The following GRIK2 variants were observed in gnomAD, a reference collection of about 807,000 sequenced individuals.
GRIK2 encodes glutamate receptor ionotropic, kainate 2.
GRIK2 carries 32 observed loss-of-function variants against 100.3 expected under a neutral mutation model. That is an observed-to-expected ratio of 0.32 (90% CI 0.24 to 0.43). The LOEUF (loss-of-function observed/expected upper bound fraction) is 0.43. GRIK2 is among the 20% of genes least tolerant of loss of function. The pLI is 1.00. For synonymous variants in GRIK2, 417 were observed against 389.4 expected (o/e 1.07, Z -0.83); for missense variants, 843 against 1,114.9 (o/e 0.76, Z 3.47).
chr6:101,629,304 T>C (rs938006479), intron 4 of GRIK2, among the ~76,000 whole-genome samples: 8 of 152,130 alleles, frequency 5.3e-5, no homozygotes, highest in African/African-American at 1.9e-4. Context: ...GAATTATTCA[T>C]AGAATAAATA....
At chr6:101,592,885 G>A (rs924798759) in intron 2 of GRIK2, among the ~76,000 whole-genome samples, 6 of 151,666 alleles carry the variant, frequency 4.0e-5, no homozygotes, top group Non-Finnish European at 8.8e-5. Context: ...TGCAACAGCA[G>A]AACAGATGCT....
chr6:101,702,968 A>G (rs1376282949), intron 7 of GRIK2, among the ~76,000 whole-genome samples: 2 of 151,874 alleles, frequency 1.3e-5, no homozygotes, highest in Non-Finnish European at 2.9e-5. Flanking sequence ...TTGATGCATT[A>G]TATTTGAATT....
chr6:101,686,880 A>C (rs1441863353), intron 7 of GRIK2, among the ~76,000 whole-genome samples: 1 of 152,098 alleles, frequency 6.6e-6, no homozygotes, highest in African/African-American at 2.4e-5. Context: ...ACTATTGCAT[A>C]AACTATGAAA....
chr6:101,793,556 G>A (rs1053618447), intron 7 of GRIK2, among the ~76,000 whole-genome samples: 2 of 152,206 alleles, frequency 1.3e-5, no homozygotes, highest in East Asian at 1.9e-4. Flanking sequence ...CTGTCTGATC[G>A]TTCCTCTGGA....
At position 101,727,037 on chromosome 6, in the gene GRIK2, A is replaced by G. The variant is rs371783233; in HGVS notation, c.951+40684A>G. Among the ~76,000 whole-genome samples, 8 of 152,176 alleles carry G rather than the reference A, an allele frequency of 5.3e-5. No individual in the cohort carries two copies. The East Asian group carries it at 1.5e-3, about 29-fold the overall frequency. ...AACTTGCATTTTTCTCTTTGTTTTT[A>G]GTATCTGACATTTTATATGTCTCAG... On this transcript the variant is annotated intron_variant, in intron 7 of 16. Coordinates refer to ENST00000369134, the MANE Select transcript of GRIK2 (RefSeq NM_021956.5).
chr6:101,946,127 C>T (rs1448618216), intron 14 of GRIK2, among the ~76,000 whole-genome samples: 1 of 151,390 alleles, frequency 6.6e-6, no homozygotes, highest in Non-Finnish European at 1.5e-5. Flanking sequence ...ATTTGTATAA[C>T]ATTAGGTGTT....
chr6:101,780,182 AGCTCAGAGAT>A (rs71708104), intron 7 of GRIK2, among the ~76,000 whole-genome samples: 16,881 of 152,154 alleles, frequency 0.11, 2,035 homozygotes, highest in East Asian at 0.66. Context: ...TTGGAATCCC[AGCTCAGAGAT>A]GTATTCTCCA....
chr6:101,963,509 CTTTTTT>C (rs770178884), intron 14 of GRIK2, among the ~76,000 whole-genome samples: 4 of 106,108 alleles, frequency 3.8e-5, no homozygotes, highest in East Asian at 5.4e-4. Flanking sequence ...TTCTTTCTTT[CTTTTTT>C]TTTTTTTTTT....
At chr6:101,932,313 G>A (rs1790340948) in intron 14 of GRIK2, among the ~76,000 whole-genome samples, 1 of 151,966 alleles carries the variant, frequency 6.6e-6, no homozygotes, top group South Asian at 2.1e-4. Flanking sequence ...TAAACAAAAT[G>A]TTGGCACATA....
chr6:101,883,357 G>A (rs1469800190), intron 11 of GRIK2, among the ~76,000 whole-genome samples: 1 of 151,038 alleles, frequency 6.6e-6, no homozygotes, highest in African/African-American at 2.4e-5. Flanking sequence ...GAATTACCAT[G>A]TGCAATAGTG....
At chr6:101,736,966 A>G (rs1385683068) in intron 7 of GRIK2, among the ~76,000 whole-genome samples, 1 of 152,094 alleles carries the variant, frequency 6.6e-6, no homozygotes, top group African/African-American at 2.4e-5. Context: ...ACCCTAAATC[A>G]TCTCTCTCAA....
chr6:101,575,378 A>G (rs1777745275), intron 2 of GRIK2, among the ~76,000 whole-genome samples: 1 of 151,944 alleles, frequency 6.6e-6, no homozygotes. Flanking sequence ...TTACTTTCTG[A>G]AAAAAAGGTT....
rs562776503 is a variant in GRIK2 at position 101,488,942 on chromosome 6, G to A, written c.115+89550G>A. Among the ~76,000 whole-genome samples, 9 of 145,626 alleles carry A rather than the reference G, an allele frequency of 6.2e-5. No individual in the cohort carries two copies. The South Asian group carries it at 1.5e-3, about 25-fold the overall frequency. On this transcript the variant is annotated intron_variant, in intron 2 of 16. Transcript: ENST00000369134. ...CTCACAAGTTATATGCAAGAGAAGC[G>A]GCATAGTGTTTTCAGAGATGATTAA...
intron 14 of GRIK2, among the ~76,000 whole-genome samples, chr6:101,952,830 C>T (rs1330159879): frequency 6.6e-6 from 1 of 152,114 alleles, no homozygotes; most frequent in Non-Finnish European, 1.5e-5. Context: ...TCTGGATCTC[C>T]TGACTTCTTG....
intron 7 of GRIK2, among the ~76,000 whole-genome samples, chr6:101,717,235 G>T (rs1475228509): frequency 6.6e-6 from 1 of 151,720 alleles, no homozygotes; most frequent in East Asian, 1.9e-4. Context: ...AAAAAACGAA[G>T]GGGGTTGGAT....
chr6:101,801,597 A>G (rs1300995856), intron 8 of GRIK2, among the ~76,000 whole-genome samples: 1 of 151,918 alleles, frequency 6.6e-6, no homozygotes, highest in Non-Finnish European at 1.5e-5. Flanking sequence ...TATAATTGAA[A>G]ATTTCTGTAT....
intron 7 of GRIK2, among the ~76,000 whole-genome samples, chr6:101,796,792 T>G (rs6904491): frequency 0.026 from 3,946 of 152,266 alleles, 182 homozygotes; most frequent in African/African-American, 0.09. Context: ...GTGATCCTCT[T>G]ACCTTACCCT....
At chr6:101,646,562 A>G (rs1781535972) in intron 4 of GRIK2, among the ~76,000 whole-genome samples, 1 of 152,000 alleles carries the variant, frequency 6.6e-6, no homozygotes. Context: ...TTTAATTAGA[A>G]TAAAATTGAA....
At chr6:101,781,772 G>T (rs1339773576) in intron 7 of GRIK2, among the ~76,000 whole-genome samples, 3 of 150,920 alleles carry the variant, frequency 2.0e-5, no homozygotes, top group African/African-American at 7.3e-5. Flanking sequence ...TCATGAAATT[G>T]TTCCTAGTTA....
Sources: gnomAD v4.1 joint callset for allele counts (sites outside exome capture counted in the v4.1 genomes callset) on GRCh38, gnomAD v4.1.1 for gene constraint, MANE v1.5 for transcripts, NCBI Gene and HGNC (gene_info 2026-07-23, HGNC 2026-07-21) for gene names.